Variants in CNTNAP3B observed in about 807,000 individuals in gnomAD.
The protein encoded by CNTNAP3B is contactin associated protein family member 3B.
CNTNAP3B carries 25 observed loss-of-function variants against 108.9 expected under a neutral mutation model. That is an observed-to-expected ratio of 0.23 (90% confidence interval 0.17 to 0.32). CNTNAP3B has a LOEUF of 0.32. CNTNAP3B is among the 10% of genes least tolerant of loss of function. The probability of loss-of-function intolerance (pLI) is 1.00; values close to 1 mark genes in which losing one functional copy is unlikely to be tolerated. For missense variants in CNTNAP3B, 252 were observed against 1,210.4 expected (o/e 0.21, Z 11.75); for synonymous variants, 103 against 473.4 (o/e 0.22, Z 10.16).
intron 18 of CNTNAP3B, among the ~76,000 whole-genome samples, chr9:41,919,773 A>T (rs1210448717): frequency 8.9e-4 from 135 of 152,372 alleles, no homozygotes; most frequent in African/African-American, 3.1e-3. Flanking sequence ...TTAAAATTAG[A>T]ACAGTACAAG....
chr9:41,972,704 C>T lies in CNTNAP3B; in HGVS notation c.1478-2459G>A, dbSNP rs912905477. Among the ~76,000 whole-genome samples the T allele has an allele frequency of 1.5e-4, 20 of 133,768 alleles. 3 individuals carry two copies. The highest frequency in any genetic ancestry group is 1.5e-4 in the Admixed American group (2 of 13,180). 87.8% of individuals were successfully genotyped at this position (133,768 alleles called of 152,430 possible). On this transcript the variant is annotated intron_variant, in intron 9 of 23. Transcript: ENST00000377561. ...AAAATCTTTTATATTTTTATATTTACAAAAGAAATAAAAGTTTAAATGGTA... is the reference window on the plus strand; with the variant it reads ...AAAATCTTTTATATTTTTATATTTATAAAAGAAATAAAAGTTTAAATGGTA...
chr9:41,935,801 C>A (rs568569238), intron 14 of CNTNAP3B, among the ~76,000 whole-genome samples: 36 of 152,378 alleles, frequency 2.4e-4, no homozygotes, highest in African/African-American at 7.9e-4. Context: ...ATTTTTAAAA[C>A]CTGCTTCTCT....
chr9:42,046,192 C>T (rs1172879300), intron 3 of CNTNAP3B, among the ~76,000 whole-genome samples: 1 of 111,350 alleles, frequency 9.0e-6, no homozygotes, highest in Non-Finnish European at 1.8e-5. Context: ...ATCTTTCTGT[C>T]CACATGTCAC....
intron 12 of CNTNAP3B, among the ~76,000 whole-genome samples, chr9:41,954,765 C>G (rs1366475085): frequency 6.6e-6 from 1 of 152,252 alleles, no homozygotes; most frequent in Non-Finnish European, 1.5e-5. Context: ...CTCACTGCAG[C>G]CTCTGCCTCC....
In CNTNAP3B at chr9:42,046,274, T is replaced by TG. The variant is rs1254507053; in HGVS notation, c.390+30594dup. Among the ~76,000 whole-genome samples, 26 of 104,624 alleles carry TG rather than the reference T, an allele frequency of 2.5e-4. 2 individuals are homozygous for TG. The highest frequency in any genetic ancestry group is 7.1e-4 in the African/African-American group (17 of 23,876). The allele number at this position is 104,624 out of a possible 152,430, so 68.6% of individuals were successfully genotyped here. A position where few individuals can be genotyped will look rare whatever the true frequency, so the allele number is the denominator to read the frequency against. On this transcript the variant is annotated intron_variant, in intron 3 of 23. Coordinates refer to ENST00000377561, the MANE Select transcript of CNTNAP3B (RefSeq NM_001201380.3). ...GGGTTGGGGGGAAGGGTTTTTAACT[T>TG]GAAGATCTAAATAAACCAGAGTTCA...
At chr9:41,937,890 T>C (rs1460623204) in intron 14 of CNTNAP3B, among the ~76,000 whole-genome samples, 6 of 152,046 alleles carry the variant, frequency 3.9e-5, no homozygotes, top group Non-Finnish European at 5.9e-5. Context: ...AAGACAAAGA[T>C]TTGGAGGAAT....
At chr9:41,930,910 A>G (rs1157979592) in intron 14 of CNTNAP3B, among the ~76,000 whole-genome samples, 1 of 152,248 alleles carries the variant, frequency 6.6e-6, no homozygotes, top group Non-Finnish European at 1.5e-5. Flanking sequence ...ATAATATTGC[A>G]TATATGCATA....
chr9:41,935,777 T>C (rs1316382881), intron 14 of CNTNAP3B, among the ~76,000 whole-genome samples: 8 of 152,278 alleles, frequency 5.3e-5, no homozygotes, highest in African/African-American at 1.9e-4. Context: ...CTTCTGAATG[T>C]AGGAGGGGAG....
intron 13 of CNTNAP3B, among the ~76,000 whole-genome samples, chr9:41,943,345 ATTTT>A (rs1165684239): frequency 1.4e-3 from 188 of 132,492 alleles, no homozygotes; most frequent in African/African-American, 4.3e-3. Flanking sequence ...TTGGACAATA[ATTTT>A]TTTTTTTTTT....
intron 10 of CNTNAP3B, 32 bp from the exon 11 acceptor site, chr9:41,964,676 C>T (rs1356191431): frequency 6.6e-7 from 1 of 1,518,612 alleles, no homozygotes; most frequent in Non-Finnish European, 8.8e-7. Flanking sequence ...TGCTGTTTCC[C>T]TTTTTCAATC....
intron 9 of CNTNAP3B, among the ~76,000 whole-genome samples, chr9:41,972,944 T>G (rs1487479037): frequency 3.2e-4 from 21 of 65,836 alleles, no homozygotes; most frequent in Admixed American, 5.8e-4. Context: ...ATCTTTTTTT[T>G]TTTTTTTTTT....
At chr9:42,028,080 G>GCA (rs1826442736) in intron 3 of CNTNAP3B, among the ~76,000 whole-genome samples, 1 of 45,488 alleles carries the variant, frequency 2.2e-5, no homozygotes, top group East Asian at 1.2e-3. Flanking sequence ...TATAATCAAT[G>GCA]TGTCACCTTT....
chr9:41,966,846 A>G (rs1455569176), intron 10 of CNTNAP3B, among the ~76,000 whole-genome samples: 1 of 150,516 alleles, frequency 6.6e-6, no homozygotes, highest in East Asian at 1.9e-4. Flanking sequence ...GGGCGCCTGT[A>G]GTTCCAGCTA....
chr9:42,063,450 T>A, intron 3 of CNTNAP3B, among the ~76,000 whole-genome samples: 1 of 134,970 alleles, frequency 7.4e-6, no homozygotes. Flanking sequence ...ATATGTGACA[T>A]GCTTCTTTTG....
At chr9:41,970,921 A>G (rs1825416606) in intron 9 of CNTNAP3B, among the ~76,000 whole-genome samples, 1 of 150,356 alleles carries the variant, frequency 6.7e-6, no homozygotes, top group Non-Finnish European at 1.5e-5. Flanking sequence ...AACAGGACAT[A>G]ACACACTGTT....
intron 10 of CNTNAP3B, among the ~76,000 whole-genome samples, chr9:41,968,994 C>T (rs2118256455): frequency 6.6e-6 from 1 of 152,408 alleles, no homozygotes; most frequent in South Asian, 2.1e-4. Flanking sequence ...GACGGGGTTT[C>T]ACCATGTTAG....
chr9:41,952,066 G>A (rs576016269), intron 13 of CNTNAP3B, among the ~76,000 whole-genome samples: 1 of 152,386 alleles, frequency 6.6e-6, no homozygotes, highest in African/African-American at 2.4e-5. Context: ...GTGACAGAGA[G>A]GTCAATCCAG....
intron 14 of CNTNAP3B, among the ~76,000 whole-genome samples, chr9:41,935,791 A>G (rs1373567274): frequency 2.6e-5 from 4 of 152,286 alleles, no homozygotes; most frequent in Non-Finnish European, 4.4e-5. Flanking sequence ...AGGGGAGTTA[A>G]TTTTTAAAAC....
At chr9:42,120,358 C>T (rs970192535) in intron 1 of CNTNAP3B, among the ~76,000 whole-genome samples, 1 of 140,698 alleles carries the variant, frequency 7.1e-6, no homozygotes, top group African/African-American at 2.8e-5. Flanking sequence ...AATAGGAACA[C>T]TTTTACACTG....
Sources: gnomAD v4.1 joint callset for allele counts (sites outside exome capture counted in the v4.1 genomes callset) on GRCh38, gnomAD v4.1.1 for gene constraint, MANE v1.5 for transcripts, NCBI Gene and HGNC (gene_info 2026-07-23, HGNC 2026-07-21) for gene names.